The following MMP16 variants were observed in gnomAD, a reference collection of about 807,000 sequenced individuals.
MMP16 encodes the protein matrix metallopeptidase 16.
MMP16 carries 12 observed loss-of-function variants against 67.8 expected under a neutral mutation model. The observed-to-expected ratio is 0.18, with a 90% CI of 0.11 to 0.29. MMP16 has a LOEUF of 0.29. MMP16 is among the 10% of genes least tolerant of loss of function. The pLI is 1.00. For synonymous variants in MMP16, 249 were observed against 255.9 expected (o/e 0.97, Z 0.26); for missense variants, 475 against 765.7 (o/e 0.62, Z 4.48).
chr8:88,186,814 G>A (rs544627364), intron 2 of MMP16, among the ~76,000 whole-genome samples: 2 of 152,248 alleles, frequency 1.3e-5, no homozygotes, highest in Non-Finnish European at 2.9e-5. Context: ...AGAATCACTA[G>A]TTTACTATTC....
intron 1 of MMP16, among the ~76,000 whole-genome samples, chr8:88,288,836 C>G (rs1388541250): frequency 6.6e-6 from 1 of 152,160 alleles, no homozygotes. Flanking sequence ...TACTCATTCA[C>G]TCTTCTCTAA....
intron 1 of MMP16, among the ~76,000 whole-genome samples, chr8:88,322,955 C>T (rs1338290724): frequency 6.6e-6 from 1 of 152,056 alleles, no homozygotes; most frequent in Non-Finnish European, 1.5e-5. Flanking sequence ...GCTTTGGGCC[C>T]TTATGAGCAC....
intron 8 of MMP16, among the ~76,000 whole-genome samples, chr8:88,050,528 C>T (rs992672108): frequency 1.3e-5 from 2 of 152,116 alleles, no homozygotes; most frequent in African/African-American, 4.8e-5. Context: ...TATTGTTGTG[C>T]TTAAATCCCT....
chr8:88,202,643 ACACAC>A (rs1809361715), intron 1 of MMP16, among the ~76,000 whole-genome samples: 1 of 152,136 alleles, frequency 6.6e-6, no homozygotes, highest in African/African-American at 2.4e-5. Context: ...GCACATACAC[ACACAC>A]ACACATAAAT....
At chr8:88,194,929 T>C (rs1024918876) in intron 2 of MMP16, among the ~76,000 whole-genome samples, 4 of 152,136 alleles carry the variant, frequency 2.6e-5, no homozygotes, top group Admixed American at 6.6e-5. Flanking sequence ...GCTGCCTATA[T>C]AGTTGATCTT....
chr8:88,233,654 G>C (rs1040762544), intron 1 of MMP16, among the ~76,000 whole-genome samples: 3 of 152,164 alleles, frequency 2.0e-5, no homozygotes, highest in Admixed American at 6.6e-5. Context: ...GCTCTTAACT[G>C]TCTGGTACTG....
At chr8:88,132,751 CAGG>C (rs1808053614) in intron 4 of MMP16, among the ~76,000 whole-genome samples, 1 of 151,874 alleles carries the variant, frequency 6.6e-6, no homozygotes, top group South Asian at 2.1e-4. Flanking sequence ...AGCTTACACT[CAGG>C]AGGAGAGGAT....
At chr8:88,147,737 T>A (rs1297861823) in intron 4 of MMP16, among the ~76,000 whole-genome samples, 1 of 151,446 alleles carries the variant, frequency 6.6e-6, no homozygotes, top group African/African-American at 2.4e-5. Context: ...TTTGGAAAAA[T>A]CCTCTCTTTG....
intron 1 of MMP16, among the ~76,000 whole-genome samples, chr8:88,236,911 A>T (rs1809950179): frequency 6.6e-6 from 1 of 152,204 alleles, no homozygotes; most frequent in Admixed American, 6.5e-5. Flanking sequence ...ATAGCACTTA[A>T]GGCAAAATTA....
At chr8:88,133,951 T>C (rs1808077101) in intron 4 of MMP16, among the ~76,000 whole-genome samples, 1 of 151,754 alleles carries the variant, frequency 6.6e-6, no homozygotes, top group Non-Finnish European at 1.5e-5. Context: ...TCAGTATCAG[T>C]ATACACAGCA....
At chr8:88,175,118 A>C (rs1808866252) in intron 3 of MMP16, among the ~76,000 whole-genome samples, 1 of 152,192 alleles carries the variant, frequency 6.6e-6, no homozygotes, top group Non-Finnish European at 1.5e-5. Flanking sequence ...GATGGCCAGA[A>C]GAGAAAAGTG....
Position 88,039,388 on chromosome 8 carries a change from G to T in MMP16, c.*2073C>A, listed in dbSNP as rs539064023. 1 of 152,540 alleles carries T rather than the reference G, an allele frequency of 6.6e-6. No individual in the cohort carries two copies. Among genetic ancestry groups the T allele is most frequent in the East Asian group, 1.9e-4 (1 of 5,166 alleles). The allele number at this position is 152,540 out of a possible 1,614,324, so 9.4% of individuals were successfully genotyped here. A position where few individuals can be genotyped will look rare whatever the true frequency, so the allele number is the denominator to read the frequency against. ...GTAAAGAGCAAAGTGTCCATCTGCA[G>T]ATCTGCCATCACCACTCTCTCCACT... On this transcript the variant is annotated 3_prime_UTR_variant, in exon 10 of 10. Coordinates refer to ENST00000286614, the MANE Select transcript of MMP16 (RefSeq NM_005941.5). This position sits in a 1 kb window ranked among gnomAD's most constrained non-coding sequence, Gnocchi z 4.5.
chr8:88,265,575 C>T (rs1167946764), intron 1 of MMP16, among the ~76,000 whole-genome samples: 3 of 152,028 alleles, frequency 2.0e-5, no homozygotes, highest in Admixed American at 6.6e-5. Context: ...AGTTAGAGAA[C>T]GGTCTGCAGT....
intron 1 of MMP16, among the ~76,000 whole-genome samples, chr8:88,199,769 C>A (rs1248098583): frequency 6.6e-6 from 1 of 151,794 alleles, no homozygotes; most frequent in African/African-American, 2.4e-5. Context: ...TTATACCATA[C>A]CCTTCCATCC....
At chr8:88,167,288 G>A (rs1264600638) in intron 4 of MMP16, among the ~76,000 whole-genome samples, 7 of 151,878 alleles carry the variant, frequency 4.6e-5, no homozygotes, top group African/African-American at 7.2e-5. Flanking sequence ...ATGCTAATCC[G>A]GATTAAATTA....
chr8:88,082,775 TA>T (rs1319662851), intron 6 of MMP16, among the ~76,000 whole-genome samples: 8 of 151,766 alleles, frequency 5.3e-5, no homozygotes, highest in Non-Finnish European at 1.2e-4. Flanking sequence ...GTGCATGTTT[TA>T]TTTTTTTTTA....
chr8:88,298,275 G>C (rs952841965), intron 1 of MMP16, among the ~76,000 whole-genome samples: 1 of 152,152 alleles, frequency 6.6e-6, no homozygotes, highest in African/African-American at 2.4e-5. Flanking sequence ...CCCATGTTAG[G>C]ATAGTGTAAG....
At chr8:88,117,613 A>G (rs922758801) in intron 5 of MMP16, among the ~76,000 whole-genome samples, 3 of 152,078 alleles carry the variant, frequency 2.0e-5, no homozygotes, top group African/African-American at 7.2e-5. Context: ...ATTCAACATA[A>G]GAGATATTTA....
chr8:88,290,684 C>A (rs1323015346), intron 1 of MMP16, among the ~76,000 whole-genome samples: 1 of 152,102 alleles, frequency 6.6e-6, no homozygotes, highest in Non-Finnish European at 1.5e-5. Context: ...TTCAGGTGAT[C>A]CTCCTGCCTC....
Sources: gnomAD v4.1 joint callset for allele counts (sites outside exome capture counted in the v4.1 genomes callset) on GRCh38, gnomAD v4.1.1 for gene constraint, Gnocchi (gnomAD v3.1) non-coding constraint, MANE v1.5 for transcripts, NCBI Gene and HGNC (gene_info 2026-07-23, HGNC 2026-07-21) for gene names.